FHL1: variants seen among roughly 807,000 people sequenced by gnomAD.
FHL1 encodes four and a half LIM domains 1, also known as four and a half LIM domains protein 1.
FHL1 carries 1 observed loss-of-function variant against 20.3 expected under a neutral mutation model. That is an observed-to-expected ratio of 0.05 (90% CI 0.02 to 0.23). FHL1 has a LOEUF of 0.23. Ranked by LOEUF, FHL1 falls within the 10% of genes least tolerant of loss-of-function variation. The pLI, the probability that FHL1 is intolerant of heterozygous loss-of-function variation, is 1.00. For synonymous variants in FHL1, 82 were observed against 88.9 expected (o/e 0.92, Z 0.44); for missense variants, 177 against 234.0 (o/e 0.76, Z 1.59).
intron 2 of FHL1, among the ~76,000 whole-genome samples, chrX:136,190,503 G>C (rs754167754): frequency 1.1e-4 from 12 of 111,472 alleles, no homozygotes; most frequent in Non-Finnish European, 2.3e-4. Context: ...CGAATCAGGC[G>C]GCCTCTCGAA....
intron 1 of FHL1, among the ~76,000 whole-genome samples, chrX:136,205,320 A>G (rs886651375): frequency 1.8e-5 from 2 of 111,474 alleles, no homozygotes; most frequent in South Asian, 7.6e-4. Context: ...GGGGTTGTTC[A>G]TACGGAGGGA....
chrX:136,206,858 C>T (rs1006592292), intron 2 of FHL1, among the ~76,000 whole-genome samples, 158 bp from the exon 3 acceptor site: 2 of 112,523 alleles, frequency 1.8e-5, no homozygotes, highest in Non-Finnish European at 1.9e-5. Context: ...CTCACCTCAG[C>T]GTCCCTCCTA....
chrX:136,157,622 C>T, intron 1 of FHL1, among the ~76,000 whole-genome samples: 1 of 110,998 alleles, frequency 9.0e-6, no homozygotes, highest in South Asian at 3.9e-4. Flanking sequence ...TTTCCAGTAA[C>T]ATTCTTCCCC....
intron 2 of FHL1, among the ~76,000 whole-genome samples, chrX:136,187,501 G>C (rs1382542102): frequency 8.9e-6 from 1 of 112,299 alleles, no homozygotes; most frequent in East Asian, 2.8e-4. Flanking sequence ...GCATGCTATA[G>C]CATGAATGAA....
chrX:136,203,752 A>G (rs908406122), intron 1 of FHL1, among the ~76,000 whole-genome samples: 1 of 112,101 alleles, frequency 8.9e-6, no homozygotes, highest in Non-Finnish European at 1.9e-5. Flanking sequence ...TCTCTCAGGT[A>G]CTTTGAACCA....
At chrX:136,171,742 C>A (rs747323449) in intron 2 of FHL1, among the ~76,000 whole-genome samples, 43 of 112,079 alleles carry the variant, frequency 3.8e-4, no homozygotes, top group Admixed American at 2.9e-3. Context: ...TTTATGATAC[C>A]AAGCACACCC....
chrX:136,153,411 A>G (rs1378144963), intron 1 of FHL1, among the ~76,000 whole-genome samples: 1 of 111,309 alleles, frequency 9.0e-6, no homozygotes, highest in Non-Finnish European at 1.9e-5. Flanking sequence ...GCCTGTTTTG[A>G]TATCCACATA....
At chrX:136,165,188 A>C (rs1289473691), upstream of FHL1, among the ~76,000 whole-genome samples, 3 of 111,856 alleles carry the variant, frequency 2.7e-5, no homozygotes, top group African/African-American at 9.7e-5. Context: ...TTGTTTATTA[A>C]ATGAATATAC....
chrX:136,207,671 G>A, intron 3 of FHL1, 121 bp from the exon 4 acceptor site: 1 of 757,352 alleles, frequency 1.3e-6, no homozygotes, highest in Non-Finnish European at 2.0e-6. Flanking sequence ...TTGGAGGTGT[G>A]AGGCCAGTAA....
intron 1 of FHL1, among the ~76,000 whole-genome samples, chrX:136,201,641 T>G (rs183961091): frequency 4.5e-5 from 5 of 110,883 alleles, no homozygotes; most frequent in African/African-American, 1.3e-4. Context: ...TAGCGAGAGA[T>G]AGTTTAACAA....
upstream of FHL1, among the ~76,000 whole-genome samples, chrX:136,168,915 C>T (rs187507410): frequency 9.0e-6 from 1 of 111,338 alleles, no homozygotes; most frequent in East Asian, 2.8e-4. Flanking sequence ...TTATTTTTGC[C>T]CTGTTTCCAT....
chrX:136,166,137 C>G (rs1173646553), upstream of FHL1, among the ~76,000 whole-genome samples: 1 of 111,975 alleles, frequency 8.9e-6, no homozygotes, highest in Admixed American at 9.5e-5. Flanking sequence ...AAAGTACACA[C>G]AAATATACCC....
chrX:136,162,122 C>CAAAAAA (rs745946778), intron 1 of FHL1, among the ~76,000 whole-genome samples: 5 of 48,921 alleles, frequency 1.0e-4, no homozygotes, highest in Admixed American at 3.1e-4. Context: ...GACCCTGTCT[C>CAAAAAA]AAAAAAAAAA....
rs1167280811 is a variant in FHL1, at chrX:136,186,865, AATAT to A, written c.-27+16899_-27+16902del. ...CGAGACTCCATCTCAAAAAAAAAAA[AATAT>A]ATATATATATATAGATAGATAGATA... On this transcript the variant is annotated intron_variant, in intron 2 of 6. Coordinates refer to the FHL1 transcript ENST00000394153. Among the ~76,000 whole-genome samples the A allele has an allele frequency of 9.2e-3, 93 of 10,155 alleles. 1 individual carries two copies. Among genetic ancestry groups the A allele is most frequent in the African/African-American group, 0.011 (89 of 8,042 alleles). The allele number at this position is 10,155 out of a possible 115,157, so 8.8% of individuals were successfully genotyped here.
At chrX:136,147,335 C>CGCGCGCGCG (rs1753006162), upstream of FHL1, 1 of 86,960 alleles carries the variant, frequency 1.1e-5, no homozygotes, top group African/African-American at 4.3e-5. Context: ...CGGCCGTCTC[C>CGCGCGCGCG]CGCGCGCGCG....
intron 2 of FHL1, among the ~76,000 whole-genome samples, chrX:136,190,547 T>C (rs1283189682): frequency 8.9e-6 from 1 of 111,779 alleles, no homozygotes; most frequent in Non-Finnish European, 1.9e-5. Flanking sequence ...GCATTAACCA[T>C]TAACTGTGGC....
rs761499019 is a variant in FHL1 at position 136,210,286 on chromosome X, T to TTC, written c.*263_*264dup. The TTC allele has an allele frequency of 1.7e-4, 77 of 461,460 alleles. 2 individuals carry two copies. Among genetic ancestry groups the TTC allele is most frequent in the East Asian group, 5.1e-4 (12 of 23,476 alleles). 38.0% of individuals were successfully genotyped at this position (461,460 alleles called of 1,213,427 possible). ...AATGAAAACTTAGGTAGATTGACTC[T>TTC]TCTGCATGTTTCTCATAGAGCAGAA... On this transcript the variant is annotated 3_prime_UTR_variant, in exon 6 of 6. Transcript: ENST00000370683.
At chrX:136,168,915 C>A (rs187507410), upstream of FHL1, among the ~76,000 whole-genome samples, 1 of 111,291 alleles carries the variant, frequency 9.0e-6, no homozygotes, top group African/African-American at 3.3e-5. Context: ...TTATTTTTGC[C>A]CTGTTTCCAT....
chrX:136,201,397 T>C (rs1300618311), intron 1 of FHL1, among the ~76,000 whole-genome samples: 1 of 111,973 alleles, frequency 8.9e-6, no homozygotes, highest in African/African-American at 3.3e-5. Flanking sequence ...GCGTGGTGTT[T>C]ACTGAAGTTG....
Sources: gnomAD v4.1 joint callset for allele counts (sites outside exome capture counted in the v4.1 genomes callset) on GRCh38, gnomAD v4.1.1 for gene constraint, MANE v1.5 for transcripts, NCBI Gene and HGNC (gene_info 2026-07-23, HGNC 2026-07-21) for gene names.